The following PLCZ1 variants were observed in gnomAD, a reference collection of about 807,000 sequenced individuals.
The protein encoded by PLCZ1 is 1-phosphatidylinositol 4,5-bisphosphate phosphodiesterase zeta-1.
PLCZ1 carries 64 observed loss-of-function variants against 76.8 expected under a neutral mutation model. The observed-to-expected ratio is 0.83, with a 90% CI of 0.68 to 1.03. The LOEUF (loss-of-function observed/expected upper bound fraction) is 1.03. PLCZ1 is among the 50% of genes least tolerant of loss of function. The pLI is 0.00. For missense variants in PLCZ1, 751 were observed against 713.7 expected (o/e 1.05, Z -0.60); for synonymous variants, 248 against 230.8 (o/e 1.07, Z -0.68).
Position 18,699,475 on chromosome 12 carries a change from C to T in PLCZ1, c.1174+319G>A, listed in dbSNP as rs114618363. Reference sequence around the variant, plus strand: ...AGGACAAAGTTCAAGCCTTCTAATTCGGCTCTGCCTCCCTCTGCAGCCCTG... The same window carrying T: ...AGGACAAAGTTCAAGCCTTCTAATTTGGCTCTGCCTCCCTCTGCAGCCCTG... On this transcript the variant is annotated intron_variant, in intron 10 of 14. Coordinates refer to ENST00000266505, the MANE Select transcript of PLCZ1 (RefSeq NM_033123.4). Among the ~76,000 whole-genome samples the T allele has an allele frequency of 5.0e-3, 765 of 152,224 alleles. 2 individuals carry two copies. The highest frequency in any genetic ancestry group is 0.017 in the African/African-American group (686 of 41,534).
chr12:18,696,494 A>G (rs1019127075), intron 10 of PLCZ1, among the ~76,000 whole-genome samples: 1 of 151,220 alleles, frequency 6.6e-6, no homozygotes. Context: ...CAATTTTATC[A>G]TAAAATGTAT....
At chr12:18,660,291 C>G in the PLCZ1 span, among the ~76,000 whole-genome samples, 28 of 152,188 alleles carry the variant, frequency 1.8e-4, no homozygotes, top group African/African-American at 6.7e-4. Flanking sequence ...GGATACTGTC[C>G]ATTAAATATC....
rs748990848 is a variant in PLCZ1 at position 18,719,452 on chromosome 12, C to G, written c.548G>C (p.Ser183Thr). Reference protein sequence around the residue: ...YLVSDQLLGPSDLWGYVSALV... With the variant: ...YLVSDQLLGPTDLWGYVSALV... Reference sequence around the variant, plus strand: ...ATACCTTACATATCCCCAAAGGTCACTTGGTCCCAATAATTGATCAGATAC... The same window carrying G: ...ATACCTTACATATCCCCAAAGGTCAGTTGGTCCCAATAATTGATCAGATAC... Residue 183 changes from serine to threonine, a missense_variant, in exon 5 of 15, where the codon AGT (serine) becomes ACT (threonine). Ser to Thr is a moderately conservative substitution (Grantham distance 58, BLOSUM62 1). Transcript: ENST00000266505. The G allele has an allele frequency of 4.6e-6, 7 of 1,535,326 alleles. No individual in the cohort carries two copies. The highest frequency in any genetic ancestry group is 1.4e-5 in the African/African-American group (1 of 71,982).
intron 3 of PLCZ1, among the ~76,000 whole-genome samples, chr12:18,734,751 C>T (rs1410091273): frequency 6.6e-6 from 1 of 152,104 alleles, no homozygotes; most frequent in African/African-American, 2.4e-5. Flanking sequence ...AATTTAATTG[C>T]CTTTTATTTT....
At chr12:18,675,215 T>G in the PLCZ1 span, among the ~76,000 whole-genome samples, 1 of 152,126 alleles carries the variant, frequency 6.6e-6, no homozygotes, top group Non-Finnish European at 1.5e-5. Flanking sequence ...GAGTAAACTC[T>G]CCTCCTCCCT....
the PLCZ1 span, among the ~76,000 whole-genome samples, chr12:18,656,035 A>G: frequency 6.6e-6 from 1 of 152,210 alleles, no homozygotes; most frequent in African/African-American, 2.4e-5. Flanking sequence ...TGGTTCATCA[A>G]TTGTGACAAA....
Position 18,683,453 on chromosome 12 carries a change from C to T in PLCZ1, c.1742-129G>A, listed in dbSNP as rs185937584. 114 of 1,426,386 alleles carry T rather than the reference C, an allele frequency of 8.0e-5. 1 individual carries two copies. The Admixed American group carries it at 8.2e-4, about 10-fold the overall frequency. 88.4% of individuals were successfully genotyped at this position (1,426,386 alleles called of 1,614,324 possible). A position where few individuals can be genotyped will look rare whatever the true frequency, so the allele number is the denominator to read the frequency against. On this transcript the variant is annotated intron_variant, in intron 14 of 14. Transcript: ENST00000266505. ...AACCATGACTATAGAGTTATATTCC[C>T]ATCTGGTATATTAATCTTCCACAAA...
At chr12:18,702,818 C>CTTTT (rs71064022) in intron 7 of PLCZ1, among the ~76,000 whole-genome samples, 1,336 of 116,572 alleles carry the variant, frequency 0.011, 80 homozygotes, top group African/African-American at 0.042. Flanking sequence ...GATAAAGTAA[C>CTTTT]TTTTTTTTTT....
chr12:18,697,216 T>C (rs1955190542), intron 10 of PLCZ1, among the ~76,000 whole-genome samples: 1 of 152,120 alleles, frequency 6.6e-6, no homozygotes, highest in South Asian at 2.1e-4. Flanking sequence ...CTAAACCAAC[T>C]AGAATAGAAT....
chr12:18,676,457 G>T, the PLCZ1 span, among the ~76,000 whole-genome samples: 1 of 152,054 alleles, frequency 6.6e-6, no homozygotes, highest in Non-Finnish European at 1.5e-5. Flanking sequence ...GAAAATGCCT[G>T]CATTTGCCTT....
Position 18,693,466 on chromosome 12 carries a change from A to T in PLCZ1, c.1461+1444T>A. On this transcript the variant is annotated intron_variant, in intron 12 of 14. Coordinates refer to ENST00000266505, the MANE Select transcript of PLCZ1 (RefSeq NM_033123.4). ...TCATTCTCTGTGGTCCACCTGGCAC[A>T]GGTAAAACCTTGTTAGCCAAAGCAG... is the stretch of plus-strand genomic sequence containing the variant. The T allele has an allele frequency of 3.1e-6, 5 of 1,606,990 alleles. No individual in the cohort carries two copies. The Admixed American group carries it at 8.3e-5, about 27-fold the overall frequency.
chr12:18,675,968 T>C, the PLCZ1 span, among the ~76,000 whole-genome samples: 1 of 151,938 alleles, frequency 6.6e-6, no homozygotes, highest in African/African-American at 2.4e-5. Flanking sequence ...CACAATTATA[T>C]AGCCAGGTAA....
chr12:18,648,700 A>T, the PLCZ1 span, among the ~76,000 whole-genome samples: 11 of 151,920 alleles, frequency 7.2e-5, no homozygotes, highest in Non-Finnish European at 1.2e-4. Context: ...AAGATCTCAA[A>T]CTCTGAAACT....
chr12:18,656,799 A>G, the PLCZ1 span, among the ~76,000 whole-genome samples: 13 of 152,290 alleles, frequency 8.5e-5, no homozygotes, highest in East Asian at 7.7e-4. Flanking sequence ...AACGGTCAGA[A>G]TCAACTTTAT....
At chr12:18,655,228 G>A in the PLCZ1 span, among the ~76,000 whole-genome samples, 1 of 152,102 alleles carries the variant, frequency 6.6e-6, no homozygotes, top group Non-Finnish European at 1.5e-5. Context: ...ATCAACTGCA[G>A]CTTCAGGTAA....
chr12:18,723,358 T>G lies in PLCZ1; in HGVS notation c.320A>C (p.Lys107Thr). 1 of 1,612,822 alleles carries G rather than the reference T, an allele frequency of 6.2e-7. No individual in the cohort carries two copies. Among genetic ancestry groups the G allele is most frequent in the Non-Finnish European group, 8.5e-7 (1 of 1,179,362 alleles). ...CTGAATGATCTCAAAAGCAATAGCTTTACTCATCTCAGCTGCATATTGTTC... is the reference window on the plus strand; with the variant it reads ...CTGAATGATCTCAAAAGCAATAGCTGTACTCATCTCAGCTGCATATTGTTC... Reference protein sequence around the residue: ...TQEQYAAEMSKAIAFEIIQKY... With the variant: ...TQEQYAAEMSTAIAFEIIQKY... Residue 107 changes from lysine to threonine, a missense_variant, in exon 4 of 15, where the codon AAA (lysine) becomes ACA (threonine). By Grantham distance (78) the Lys-to-Thr change is moderately conservative. Coordinates refer to ENST00000266505, the MANE Select transcript of PLCZ1 (RefSeq NM_033123.4).
intron 7 of PLCZ1, among the ~76,000 whole-genome samples, chr12:18,703,105 G>T (rs1956160908): frequency 6.6e-6 from 1 of 152,158 alleles, no homozygotes; most frequent in African/African-American, 2.4e-5. Flanking sequence ...TTCCAAGAAA[G>T]CTGAAAATTA....
At chr12:18,684,306 A>G (rs913964509) in intron 13 of PLCZ1, 27 bp from the exon 14 acceptor site, 15 of 1,574,006 alleles carry the variant, frequency 9.5e-6, no homozygotes, top group Admixed American at 3.4e-5. Context: ...GAAGATACAA[A>G]GAATAATAGA....
rs1342538554 is a variant in PLCZ1 at position 18,737,351 on chromosome 12, C to A, written c.11+10G>T. The A allele has an allele frequency of 6.2e-7, 1 of 1,612,818 alleles. No homozygotes were observed. The highest frequency in any genetic ancestry group is 8.5e-7 in the Non-Finnish European group (1 of 1,178,874). ...AAGAAGAGGAGCAGAAAGAAGCTCT[C>A]AATGGATATCTCATTTCCATAGTTT... On this transcript the variant is annotated intron_variant, in intron 2 of 14. Coordinates refer to ENST00000266505, the MANE Select transcript of PLCZ1 (RefSeq NM_033123.4).
Sources: gnomAD v4.1 joint callset for allele counts (sites outside exome capture counted in the v4.1 genomes callset) on GRCh38, gnomAD v4.1.1 for gene constraint, MANE v1.5 for transcripts, NCBI Gene and HGNC (gene_info 2026-07-23, HGNC 2026-07-21) for gene names.